CCDC148: variants seen among roughly 807,000 people sequenced by gnomAD.
CCDC148 encodes coiled-coil domain-containing protein 148.
Under a neutral mutation model 85.7 loss-of-function variants are expected in CCDC148, and 89 were observed. That is an observed-to-expected ratio of 1.04 (90% CI 0.87 to 1.24). The LOEUF (loss-of-function observed/expected upper bound fraction) is 1.24, where lower values mean the gene tolerates loss of function less well. Among genes scored for constraint, CCDC148 ranks in the 50% most tolerant of loss-of-function variants. The pLI, the probability that CCDC148 is intolerant of heterozygous loss-of-function variation, is 0.00. For missense variants in CCDC148, 692 were observed against 671.7 expected, an observed-to-expected ratio of 1.03 and a Z score of -0.33; for synonymous variants, 230 against 213.9, an observed-to-expected ratio of 1.08 and a Z score of -0.66.
intron 2 of CCDC148, among the ~76,000 whole-genome samples, chr2:158,349,530 T>C (rs1432553999): frequency 6.6e-6 from 1 of 151,934 alleles, no homozygotes; most frequent in Non-Finnish European, 1.5e-5. Context: ...ATCTTAGCAT[T>C]CAGGACATTA....
At chr2:158,234,058 C>A (rs1299899799) in intron 10 of CCDC148, among the ~76,000 whole-genome samples, 1 of 152,150 alleles carries the variant, frequency 6.6e-6, no homozygotes, top group South Asian at 2.1e-4. Context: ...TGCCTAATAT[C>A]CCAGATACTT....
At position 158,412,830 on chromosome 2, in the gene CCDC148, TTA is replaced by T. The variant is rs1559128101; in HGVS notation, c.25+43583_25+43584del. ...ACCTTTATAGCAATATAAGTATTTA[TTA>T]TTATTATTATTATTATTATTATTAT... On this transcript the variant is annotated intron_variant, in intron 1 of 13. Coordinates refer to ENST00000283233, the MANE Select transcript of CCDC148 (RefSeq NM_138803.4). Among the ~76,000 whole-genome samples, 29 of 26,790 alleles carry T rather than the reference TTA, an allele frequency of 1.1e-3. No homozygotes were observed. In the East Asian group the frequency reaches 0.011, roughly 11 times the overall value. The allele number at this position is 26,790 out of a possible 152,430, so 17.6% of individuals were successfully genotyped here.
chr2:158,249,821 T>C (rs1211037310), intron 10 of CCDC148, among the ~76,000 whole-genome samples: 1 of 152,112 alleles, frequency 6.6e-6, no homozygotes, highest in Non-Finnish European at 1.5e-5. Context: ...ACGTCAACCA[T>C]GTTCACAAAA....
At chr2:158,179,741 A>G (rs1684796104) in intron 11 of CCDC148, among the ~76,000 whole-genome samples, 1 of 152,208 alleles carries the variant, frequency 6.6e-6, no homozygotes, top group African/African-American at 2.4e-5. Flanking sequence ...AAATTATTTT[A>G]CTTACTAGAA....
chr2:158,313,647 GAA>G, intron 8 of CCDC148, 107 bp downstream of exon 8: 1 of 1,151,072 alleles, frequency 8.7e-7, no homozygotes. Flanking sequence ...TAGAGGGTAG[GAA>G]AAAAATAATT....
intron 10 of CCDC148, among the ~76,000 whole-genome samples, chr2:158,227,320 T>C (rs1687597900): frequency 6.6e-6 from 1 of 150,964 alleles, no homozygotes; most frequent in Non-Finnish European, 1.5e-5. Flanking sequence ...TACAAACAAA[T>C]GGAAGAACAT....
At chr2:158,234,414 C>A (rs1574460437) in intron 10 of CCDC148, among the ~76,000 whole-genome samples, 1 of 152,206 alleles carries the variant, frequency 6.6e-6, no homozygotes, top group Non-Finnish European at 1.5e-5. Flanking sequence ...TTTTAGCAAC[C>A]AATCTCCAAG....
intron 11 of CCDC148, among the ~76,000 whole-genome samples, chr2:158,190,448 A>G (rs1257988942): frequency 6.6e-6 from 1 of 152,008 alleles, no homozygotes; most frequent in Non-Finnish European, 1.5e-5. Flanking sequence ...ACCCAGAGCA[A>G]TTAGAAACAC....
At chr2:158,431,482 G>GT (rs140221541) in intron 1 of CCDC148, among the ~76,000 whole-genome samples, 11,553 of 137,966 alleles carry the variant, frequency 0.084, 548 homozygotes, top group Middle Eastern at 0.15. Flanking sequence ...TAAAAAAGGT[G>GT]TTTTTTAAAA....
chr2:158,280,066 A>T (rs1184032488), intron 9 of CCDC148, among the ~76,000 whole-genome samples: 2 of 151,936 alleles, frequency 1.3e-5, no homozygotes. Context: ...CTTTACAGAC[A>T]AGCAAATGCT....
intron 1 of CCDC148, among the ~76,000 whole-genome samples, chr2:158,440,145 AG>A (rs1278814936): frequency 6.6e-6 from 1 of 152,146 alleles, no homozygotes; most frequent in Non-Finnish European, 1.5e-5. Flanking sequence ...CTGAGATTAC[AG>A]GTGTGAGGCA....
chr2:158,206,900 C>T (rs1048946725), intron 11 of CCDC148, among the ~76,000 whole-genome samples: 2 of 152,134 alleles, frequency 1.3e-5, no homozygotes, highest in African/African-American at 4.8e-5. Context: ...TAAAATGCTC[C>T]TAGTGATGGG....
chr2:158,240,431 C>T (rs866613276), intron 10 of CCDC148, among the ~76,000 whole-genome samples: 6 of 80,436 alleles, frequency 7.5e-5, no homozygotes, highest in African/African-American at 2.1e-4. Flanking sequence ...AGATCACTCT[C>T]TCTTTCTCTC....
chr2:158,430,873 T>C (rs1206750059), intron 1 of CCDC148, among the ~76,000 whole-genome samples: 2 of 150,750 alleles, frequency 1.3e-5, no homozygotes, highest in Non-Finnish European at 3.0e-5. Flanking sequence ...AAAGAAAACA[T>C]AAACATAATA....
chr2:158,265,687 T>G (rs1689425159), intron 9 of CCDC148, among the ~76,000 whole-genome samples: 1 of 152,116 alleles, frequency 6.6e-6, no homozygotes, highest in African/African-American at 2.4e-5. Flanking sequence ...CTCAACCCAC[T>G]GGGGCCTCAG....
At chr2:158,329,105 A>G (rs571996147) in intron 7 of CCDC148, among the ~76,000 whole-genome samples, 154 of 152,276 alleles carry the variant, frequency 1.0e-3, no homozygotes, top group Non-Finnish European at 1.9e-3. Context: ...TATGTCCTGA[A>G]TGGTATTGCC....
At chr2:158,427,746 T>C (rs553181458) in intron 1 of CCDC148, among the ~76,000 whole-genome samples, 7 of 152,158 alleles carry the variant, frequency 4.6e-5, no homozygotes, top group African/African-American at 1.7e-4. Flanking sequence ...AGCACATGCC[T>C]ATAATCTCAG....
At chr2:158,290,313 G>T (rs1690829001) in intron 9 of CCDC148, among the ~76,000 whole-genome samples, 1 of 152,146 alleles carries the variant, frequency 6.6e-6, no homozygotes, top group Non-Finnish European at 1.5e-5. Flanking sequence ...TCATCCCATG[G>T]TCTCTAACCT....
intron 1 of CCDC148, among the ~76,000 whole-genome samples, chr2:158,362,460 A>G (rs1025995520): frequency 2.0e-5 from 3 of 151,494 alleles, no homozygotes; most frequent in Non-Finnish European, 4.4e-5. Context: ...AATGGATATT[A>G]TAGCAGTCTC....
Sources: gnomAD v4.1 joint callset for allele counts (sites outside exome capture counted in the v4.1 genomes callset) on GRCh38, gnomAD v4.1.1 for gene constraint, MANE v1.5 for transcripts, NCBI Gene and HGNC (gene_info 2026-07-23, HGNC 2026-07-21) for gene names.